SCLY: variants seen among roughly 807,000 people sequenced by gnomAD.
The protein encoded by SCLY is putative selenocysteine lyase.
In SCLY, 38 loss-of-function variants were observed where a neutral mutation model predicts 50.1. The ratio of observed to expected loss-of-function variants is 0.76; its 90% confidence interval spans 0.59 to 0.99. The LOEUF is 0.99. Ranked by LOEUF, SCLY falls within the 50% of genes least tolerant of loss-of-function variation. The pLI is 0.00. For synonymous variants in SCLY, 243 were observed against 249.4 expected (o/e 0.97, Z 0.24); for missense variants, 600 against 620.0 (o/e 0.97, Z 0.34).
rs1342611553 is a variant in SCLY at position 238,083,485 on chromosome 2, G to A, written c.884+131G>A. 3 of 685,356 alleles carry A rather than the reference G, an allele frequency of 4.4e-6. No individual in the cohort carries two copies. The highest frequency in any genetic ancestry group is 5.2e-5 in the East Asian group (2 of 38,246). 42.5% of individuals were successfully genotyped at this position (685,356 alleles called of 1,614,324 possible). On this transcript the variant is annotated intron_variant, in intron 7 of 11. Coordinates refer to ENST00000254663, the MANE Select transcript of SCLY (RefSeq NM_016510.7). This position sits in a 1 kb window ranked among gnomAD's most constrained non-coding sequence, Gnocchi z 4.3. Reference sequence around the variant, plus strand: ...TGTAGCATGTCCACACTGCTGCTGTGTCAGAACTGGCTCCACTGATTGATT... The same window carrying A: ...TGTAGCATGTCCACACTGCTGCTGTATCAGAACTGGCTCCACTGATTGATT...
intron 4 of SCLY, 110 bp from the exon 5 acceptor site, chr2:238,081,599 G>T (rs2065238054): frequency 1.4e-6 from 2 of 1,437,838 alleles, no homozygotes; most frequent in Admixed American, 4.2e-5. Context: ...TCTGAACTTG[G>T]ACAACAATTT....
In SCLY at chr2:238,081,794, C is replaced by CGT; in HGVS notation, c.572_573dup (p.Thr192Ter). On this transcript the variant is annotated frameshift_variant, in exon 5 of 12. Coordinates refer to ENST00000254663, the MANE Select transcript of SCLY (RefSeq NM_016510.7). LOFTEE classifies it high-confidence loss of function. Reference sequence around the variant, plus strand: ...CGGCAGTCCGCCCGACCACACGCCTCGTGACCATCATGCTGGCCAACAATG... The same window carrying CGT: ...CGGCAGTCCGCCCGACCACACGCCTCGTGTGACCATCATGCTGGCCAACAATG... 1 of 1,614,154 alleles carries CGT rather than the reference C, an allele frequency of 6.2e-7. No homozygotes were observed. Among genetic ancestry groups the CGT allele is most frequent in the Non-Finnish European group, 8.5e-7 (1 of 1,180,044 alleles).
chr2:238,095,543 C>G (rs1305925262), intron 10 of SCLY: 1 of 152,180 alleles, frequency 6.6e-6, no homozygotes, highest in South Asian at 2.1e-4. Flanking sequence ...CCGTGGGTAA[C>G]CGTCATGATG....
chr2:238,091,537 GCTGCAGGTTCACCATTCCCAAAGGCGT>G, intron 8 of SCLY: 1 of 361,314 alleles, frequency 2.8e-6, no homozygotes, highest in Non-Finnish European at 5.1e-6. Flanking sequence ...GAAGTGTCAA[GCTGCAGGTTCACCATTCCCAAAGGCGT>G]CGGCAGCCCC....
intron 6 of SCLY, 52 bp downstream of exon 6, chr2:238,082,261 G>GTAA: frequency 6.6e-7 from 1 of 1,514,750 alleles, no homozygotes; most frequent in Non-Finnish European, 8.9e-7. Context: ...CTGCGCAGGT[G>GTAA]GCTGTTTACT....
chr2:238,088,061 C>T (rs2065318117), intron 7 of SCLY, among the ~76,000 whole-genome samples: 1 of 152,196 alleles, frequency 6.6e-6, no homozygotes, highest in Admixed American at 6.5e-5. Flanking sequence ...CACCACTGCA[C>T]TCCAGTTTGG....
chr2:238,068,119 T>C lies in SCLY; in HGVS notation c.257T>C (p.Ile86Thr), dbSNP rs1559242309. Reference protein sequence around the residue: ...NAARESLAKMIGGKPQDIIFT... With the variant: ...NAARESLAKMTGGKPQDIIFT... ...GCTCGGGAAAGCCTCGCGAAGATGA[T>C]AGGGGGGAAACCTCAAGATATAATC... Residue 86 changes from isoleucine (I) to threonine (T), a missense_variant, in exon 3 of 12, where the codon ATA becomes ACA. Physicochemically the swap from Ile to Thr is moderately conservative, Grantham distance 89. Transcript: ENST00000254663. The C allele has an allele frequency of 1.9e-6, 3 of 1,611,670 alleles. No homozygotes were observed. Among genetic ancestry groups the C allele is most frequent in the Admixed American group, 1.7e-5 (1 of 59,614 alleles).
chr2:238,062,249 A>C (rs928674970), intron 1 of SCLY, among the ~76,000 whole-genome samples: 4 of 152,194 alleles, frequency 2.6e-5, no homozygotes, highest in African/African-American at 9.7e-5. Flanking sequence ...TAGCTAGCCT[A>C]AGGTACTTTG....
chr2:238,064,678 T>C (rs2065052307), intron 2 of SCLY: 1 of 380,986 alleles, frequency 2.6e-6, no homozygotes, highest in South Asian at 3.4e-5. Context: ...TAACCTTTAA[T>C]GTTTAATCTT....
At position 238,098,755 on chromosome 2, in the gene SCLY, A is replaced by G; in HGVS notation, c.*400A>G. ...GCCTGTTGTGAGTGCCCTTTCCTGGAAGGTGTTTTTATCTGGAAGATAGAA... is the reference window on the plus strand; with the variant it reads ...GCCTGTTGTGAGTGCCCTTTCCTGGGAGGTGTTTTTATCTGGAAGATAGAA... On this transcript the variant is annotated 3_prime_UTR_variant, in exon 12 of 12. Transcript: ENST00000254663. 2.6e-6 allele frequency: 1 copy of G among 379,368 alleles called. No homozygotes were observed. Among genetic ancestry groups the G allele is most frequent in the Non-Finnish European group, 4.7e-6 (1 of 213,876 alleles). 23.5% of individuals were successfully genotyped at this position (379,368 alleles called of 1,614,324 possible).
rs1691343699 is a variant in SCLY at position 238,098,640 on chromosome 2, C to CCCACATGGGACCGT, written c.*298_*299insTCCACATGGGACCG. 1.1e-4 allele frequency: 37 copies of CCCACATGGGACCGT among 352,104 alleles called. 1 individual carries two copies. Among genetic ancestry groups the CCCACATGGGACCGT allele is most frequent in the Non-Finnish European group, 1.5e-4 (30 of 199,896 alleles). The allele number at this position is 352,104 out of a possible 1,614,324, so 21.8% of individuals were successfully genotyped here. ...ACATGGGACCGCCCACATGGGACCG[C>CCCACATGGGACCGT]CCACATGGGACCGCCCACATAGAAC... On this transcript the variant is annotated 3_prime_UTR_variant, in exon 12 of 12. Transcript: ENST00000254663.
At position 238,098,746 on chromosome 2, in the gene SCLY, CT is replaced by C; in HGVS notation, c.*394del. The C allele has an allele frequency of 3.0e-6, 1 of 335,488 alleles. No individual in the cohort carries two copies. Among genetic ancestry groups the C allele is most frequent in the Non-Finnish European group, 5.3e-6 (1 of 186,928 alleles). 20.8% of individuals were successfully genotyped at this position (335,488 alleles called of 1,614,324 possible). A position where few individuals can be genotyped will look rare whatever the true frequency, so the allele number is the denominator to read the frequency against. The stretch of plus-strand genomic sequence containing the variant: ...ACTGGGCACGCCTGTTGTGAGTGCC[CT>C]TTCCTGGAAGGTGTTTTTATCTGGA... On this transcript the variant is annotated 3_prime_UTR_variant, in exon 12 of 12. Transcript: ENST00000254663.
In SCLY at chr2:238,069,378, AGCCC is replaced by A. The variant is rs892053250; in HGVS notation, c.386_389del (p.Ser129LysfsTer2). 2 of 1,614,218 alleles carry A rather than the reference AGCCC, an allele frequency of 1.2e-6. No homozygotes were observed. Among genetic ancestry groups the A allele is most frequent in the Non-Finnish European group, 1.7e-6 (2 of 1,180,016 alleles). On this transcript the variant is annotated frameshift_variant, in exon 4 of 12. Coordinates refer to ENST00000254663, the MANE Select transcript of SCLY (RefSeq NM_016510.7). LOFTEE classifies it high-confidence loss of function. This position sits in a 1 kb window ranked among gnomAD's most constrained non-coding sequence, Gnocchi z 5.0. The stretch of plus-strand genomic sequence containing the variant: ...AAAGGGACACACAGGTGGGCACCAC[AGCCC>A]AGTGAAGGGGGCCAAGCCCCATTTC...
At chr2:238,095,782 C>G (rs1267572510) in intron 10 of SCLY, 2 of 152,188 alleles carry the variant, frequency 1.3e-5, no homozygotes, top group Admixed American at 1.3e-4. Flanking sequence ...CTGTCGTCAC[C>G]CAGGCTGGAG....
intron 7 of SCLY, among the ~76,000 whole-genome samples, chr2:238,084,620 C>A (rs1270357862): frequency 7.6e-6 from 1 of 131,988 alleles, no homozygotes; most frequent in Non-Finnish European, 1.6e-5. Context: ...AAAAGCCCAG[C>A]ACGGTGGCTC....
intron 7 of SCLY, among the ~76,000 whole-genome samples, chr2:238,085,885 A>G (rs1003178656): frequency 4.6e-5 from 7 of 152,236 alleles, no homozygotes; most frequent in Non-Finnish European, 1.5e-5. Context: ...GAATTTGGCA[A>G]GAGACATAAA....
chr2:238,093,899 G>A lies in SCLY; in HGVS notation c.960G>A (p.Glu320=), dbSNP rs1481465678. 1 of 1,614,062 alleles carries A rather than the reference G, an allele frequency of 6.2e-7. No individual in the cohort carries two copies. Among genetic ancestry groups the A allele is most frequent in the Non-Finnish European group, 8.5e-7 (1 of 1,180,008 alleles). Residue 320 remains glutamate (E), a synonymous_variant, in exon 9 of 12, where the codon GAG becomes GAA. Transcript: ENST00000254663. ...TGACCCAGAACTGCGAGGCTTATGA[G>A]GCCCACATGAGGGACGTCCGCGACT... ...ELVTQNCEAY[E]AHMRDVRDYL...
rs1691304800 is a variant in SCLY, at chr2:238,098,568, TGCCCACATGGGACC to T, written c.*222_*235del. 2 of 389,732 alleles carry T rather than the reference TGCCCACATGGGACC, an allele frequency of 5.1e-6. No homozygotes were observed. The highest frequency in any genetic ancestry group is 8.6e-6 in the Non-Finnish European group (2 of 233,902). The allele number at this position is 389,732 out of a possible 1,614,324, so 24.1% of individuals were successfully genotyped here. ...CCAGGACACCAACGCCGCATAGGAC[TGCCCACATGGGACC>T]GCCCACATAGGACCGCCCACATAGG... On this transcript the variant is annotated 3_prime_UTR_variant, in exon 12 of 12. Coordinates refer to ENST00000254663, the MANE Select transcript of SCLY (RefSeq NM_016510.7).
rs956927617 is a variant in SCLY at position 238,081,650 on chromosome 2, G to A, written c.485-59G>A. On this transcript the variant is annotated intron_variant, in intron 4 of 11. Transcript: ENST00000254663. ...GAAAACTGTTAAGCTCTGTTGGAAC[G>A]CAGTTTTGAGAGGAATCAATTTGTG... 43 of 1,575,126 alleles carry A rather than the reference G, an allele frequency of 2.7e-5. No individual in the cohort carries two copies. In the East Asian group the frequency reaches 5.7e-4, roughly 21 times the overall value.
Sources: allele counts gnomAD v4.1 joint callset (sites outside exome capture counted in the v4.1 genomes callset), GRCh38; gene constraint gnomAD v4.1.1; non-coding constraint Gnocchi (gnomAD v3.1); transcripts MANE v1.5; gene names NCBI Gene and HGNC (gene_info 2026-07-23, HGNC 2026-07-21).